Variants in HMGCLL1 observed in about 807,000 individuals in gnomAD.
HMGCLL1 encodes the protein 3-hydroxymethyl-3-methylglutaryl-CoA lyase, cytoplasmic.
A neutral mutation model predicts 39.1 loss-of-function variants in HMGCLL1; 36 were observed. The ratio of observed to expected loss-of-function variants is 0.92; its 90% CI spans 0.71 to 1.22. The LOEUF (loss-of-function observed/expected upper bound fraction) is 1.22, where lower values mean the gene tolerates loss of function less well. Ranked by LOEUF, HMGCLL1 falls within the 50% of genes most tolerant of loss-of-function variation. HMGCLL1 has a pLI of 0.00. For synonymous variants in HMGCLL1, 149 were observed against 144.0 expected (o/e 1.03, Z -0.25); for missense variants, 451 against 416.5 (o/e 1.08, Z -0.72).
chr6:55,517,487 T>A (rs1456324750), intron 3 of HMGCLL1, among the ~76,000 whole-genome samples: 28 of 151,994 alleles, frequency 1.8e-4, no homozygotes, highest in Admixed American at 1.8e-3. Context: ...CAAAAAGCTG[T>A]GAAAATATGC....
At chr6:55,587,003 G>T in the HMGCLL1 span, among the ~76,000 whole-genome samples, 1 of 152,030 alleles carries the variant, frequency 6.6e-6, no homozygotes, top group Non-Finnish European at 1.5e-5. Context: ...CTAGTTTACA[G>T]TCCCACCAAC....
the HMGCLL1 span, among the ~76,000 whole-genome samples, chr6:55,610,379 A>C: frequency 1.3e-5 from 2 of 152,028 alleles, no homozygotes; most frequent in African/African-American, 4.8e-5. Flanking sequence ...CGAGAATTTC[A>C]TGAAACATAT....
the HMGCLL1 span, among the ~76,000 whole-genome samples, chr6:55,639,939 G>A: frequency 4.0e-3 from 612 of 152,028 alleles, 4 homozygotes; most frequent in African/African-American, 0.013. Context: ...TTAGCCAGGC[G>A]TGGTGGCATG....
chr6:55,662,097 C>T, the HMGCLL1 span, among the ~76,000 whole-genome samples: 2 of 151,840 alleles, frequency 1.3e-5, no homozygotes, highest in South Asian at 4.2e-4. Flanking sequence ...GTTGAGATCA[C>T]GAAGTTTTCC....
At chr6:55,643,331 T>G in the HMGCLL1 span, among the ~76,000 whole-genome samples, 4 of 152,172 alleles carry the variant, frequency 2.6e-5, no homozygotes, top group Non-Finnish European at 5.9e-5. Context: ...TAATAGCTAT[T>G]CTGACTGGTA....
the HMGCLL1 span, among the ~76,000 whole-genome samples, chr6:55,650,057 TTA>T: frequency 4.1e-3 from 309 of 76,052 alleles, 2 homozygotes; most frequent in African/African-American, 0.013. Flanking sequence ...GTCTGAAAGG[TTA>T]TATATATATA....
chr6:55,663,501 A>G, the HMGCLL1 span, among the ~76,000 whole-genome samples: 2 of 151,700 alleles, frequency 1.3e-5, no homozygotes, highest in Non-Finnish European at 2.9e-5. Flanking sequence ...GTTTTGAGCA[A>G]TTTCTTTTAG....
rs1404542033 is a variant in HMGCLL1, at chr6:55,516,506, A to C, written c.393+2T>G. ...TTTTAGAGATATTAGTAGCACACTT[A>C]CAGCATGGTGAAAACCCTGAAGATT... On this transcript the variant is annotated splice_donor_variant, in intron 4 of 8. Transcript: ENST00000274901. LOFTEE classifies it high-confidence loss of function. The C allele has an allele frequency of 6.3e-7, 1 of 1,581,344 alleles. No homozygotes were observed. The highest frequency in any genetic ancestry group is 1.3e-5 in the African/African-American group (1 of 74,482).
chr6:55,473,113 T>C (rs2127404914), intron 7 of HMGCLL1, among the ~76,000 whole-genome samples: 1 of 151,552 alleles, frequency 6.6e-6, no homozygotes, highest in Admixed American at 6.6e-5. Flanking sequence ...TCTATCCCTT[T>C]ACTTTTAACA....
the HMGCLL1 span, among the ~76,000 whole-genome samples, chr6:55,604,559 C>T: frequency 6.6e-6 from 1 of 151,914 alleles, no homozygotes; most frequent in Non-Finnish European, 1.5e-5. Flanking sequence ...GTATATTATA[C>T]TAGAGGGACA....
the HMGCLL1 span, among the ~76,000 whole-genome samples, chr6:55,636,730 A>G: frequency 6.6e-6 from 1 of 152,172 alleles, no homozygotes; most frequent in East Asian, 1.9e-4. Context: ...GCAAAATGGT[A>G]TCACTTTTAA....
Position 55,435,559 on chromosome 6 carries a change from G to T in HMGCLL1, c.*103C>A. The T allele has an allele frequency of 1.8e-6, 1 of 549,238 alleles. No homozygotes were observed. The highest frequency in any genetic ancestry group is 3.2e-6 in the Non-Finnish European group (1 of 311,068). The allele number at this position is 549,238 out of a possible 1,614,324, so 34.0% of individuals were successfully genotyped here. A position where few individuals can be genotyped will look rare whatever the true frequency, so the allele number is the denominator to read the frequency against. On this transcript the variant is annotated 3_prime_UTR_variant, in exon 9 of 9. Coordinates refer to ENST00000274901, the MANE Select transcript of HMGCLL1 (RefSeq NM_001042406.2). Reference sequence around the variant, plus strand: ...AAAGGATCTCTTTTTTCCCACTCTTGTCCATTACTTCACATATCAGAGCAA... The same window carrying T: ...AAAGGATCTCTTTTTTCCCACTCTTTTCCATTACTTCACATATCAGAGCAA...
intron 7 of HMGCLL1, among the ~76,000 whole-genome samples, chr6:55,471,516 T>C (rs1173509161): frequency 2.0e-5 from 3 of 151,716 alleles, no homozygotes; most frequent in Admixed American, 1.3e-4. Context: ...TTTACCAACA[T>C]TAGATACTGT....
chr6:55,580,470 C>T (rs1358018361), upstream of HMGCLL1, among the ~76,000 whole-genome samples: 1 of 118,054 alleles, frequency 8.5e-6, no homozygotes, highest in African/African-American at 3.3e-5. Flanking sequence ...GGCTGGAGTG[C>T]AGTGGCGCGA....
chr6:55,662,722 C>T, the HMGCLL1 span, among the ~76,000 whole-genome samples: 1 of 151,538 alleles, frequency 6.6e-6, no homozygotes. Flanking sequence ...AGTCCCTCCT[C>T]CTCAGTTTTT....
At chr6:55,668,475 A>ACATCC in the HMGCLL1 span, among the ~76,000 whole-genome samples, 1 of 151,888 alleles carries the variant, frequency 6.6e-6, no homozygotes, top group Non-Finnish European at 1.5e-5. Context: ...TAAACACATC[A>ACATCC]CATCCCATCC....
At chr6:55,627,629 C>G in the HMGCLL1 span, among the ~76,000 whole-genome samples, 1 of 151,044 alleles carries the variant, frequency 6.6e-6, no homozygotes, top group Admixed American at 6.7e-5. Flanking sequence ...AAGGCAGATC[C>G]ACCCTTAATC....
At chr6:55,591,578 T>C in the HMGCLL1 span, among the ~76,000 whole-genome samples, 2 of 151,908 alleles carry the variant, frequency 1.3e-5, no homozygotes, top group Admixed American at 1.3e-4. Context: ...TTTCCCTTTT[T>C]TTCCCCTTGG....
chr6:55,589,849 G>C, the HMGCLL1 span, among the ~76,000 whole-genome samples: 8 of 151,960 alleles, frequency 5.3e-5, no homozygotes, highest in Middle Eastern at 3.2e-3. Flanking sequence ...TTACAAGGGA[G>C]GTGAAGGACC....
Sources: allele counts gnomAD v4.1 joint callset (sites outside exome capture counted in the v4.1 genomes callset), GRCh38; gene constraint gnomAD v4.1.1; transcripts MANE v1.5; gene names NCBI Gene and HGNC (gene_info 2026-07-23, HGNC 2026-07-21).